PDCD6IP: variants seen among roughly 807,000 people sequenced by gnomAD.
PDCD6IP encodes the protein programmed cell death 6 interacting protein, also known as programmed cell death 6-interacting protein.
In PDCD6IP, 43 loss-of-function variants were observed where a neutral mutation model predicts 103.7. That is an observed-to-expected ratio of 0.41 (90% confidence interval 0.32 to 0.53). The LOEUF is 0.53. Among genes scored for constraint, PDCD6IP ranks in the 20% least tolerant of loss-of-function variants. PDCD6IP has a pLI of 0.16. For missense variants in PDCD6IP, 871 were observed against 1,036.7 expected (o/e 0.84, Z 2.20); for synonymous variants, 354 against 378.7 (o/e 0.93, Z 0.76).
intron 1 of PDCD6IP, among the ~76,000 whole-genome samples, chr3:33,801,448 T>C (rs1243840783): frequency 6.6e-6 from 1 of 152,238 alleles, no homozygotes; most frequent in African/African-American, 2.4e-5. Flanking sequence ...GTAGGTGTTC[T>C]ATTAAAATTT....
intron 15 of PDCD6IP, among the ~76,000 whole-genome samples, chr3:33,858,139 A>G (rs1351967956): frequency 6.6e-6 from 1 of 152,218 alleles, no homozygotes; most frequent in Admixed American, 6.5e-5. Context: ...ATGTAAATAA[A>G]CCTATAGAGG....
At chr3:33,818,097 G>GTTTTTTTTTTTTTTT (rs756780125) in intron 3 of PDCD6IP, among the ~76,000 whole-genome samples, 2 of 68,088 alleles carry the variant, frequency 2.9e-5, no homozygotes, top group Non-Finnish European at 5.0e-5. Flanking sequence ...TTTCATTCTT[G>GTTTTTTTTTTTTTTT]TTTTTTTTTT....
intron 12 of PDCD6IP, among the ~76,000 whole-genome samples, chr3:33,847,719 A>G (rs1288706846): frequency 1.3e-5 from 2 of 152,192 alleles, no homozygotes; most frequent in Non-Finnish European, 2.9e-5. Flanking sequence ...ACATTGAGAT[A>G]CTCTGACAAA....
chr3:33,861,942 T>TG (rs1191772116), intron 15 of PDCD6IP, among the ~76,000 whole-genome samples: 11 of 152,210 alleles, frequency 7.2e-5, no homozygotes, highest in Non-Finnish European at 1.5e-4. Context: ...GTCAGGTTGT[T>TG]GGGCATAGTA....
In PDCD6IP at chr3:33,865,225, G is replaced by C. The variant is rs746349768; in HGVS notation, c.2245-18G>C. ...AAATATGAAACATTTTATAGTCAATGCTGACTTTTTCTTATAGCCTACTAA... is the reference window on the plus strand; with the variant it reads ...AAATATGAAACATTTTATAGTCAATCCTGACTTTTTCTTATAGCCTACTAA... On this transcript the variant is annotated intron_variant, in intron 16 of 17. Coordinates refer to ENST00000307296, the MANE Select transcript of PDCD6IP (RefSeq NM_013374.6). The C allele has an allele frequency of 6.7e-7, 1 of 1,502,314 alleles. No homozygotes were observed. The allele number at this position is 1,502,314 out of a possible 1,614,324, so 93.1% of individuals were successfully genotyped here.
At chr3:33,866,294 G>C in intron 17 of PDCD6IP, 57 bp from the exon 18 acceptor site, 1 of 1,078,616 alleles carries the variant, frequency 9.3e-7, no homozygotes, top group Non-Finnish European at 1.3e-6. Flanking sequence ...AATGATTATT[G>C]TTTTATTTTT....
intron 15 of PDCD6IP, among the ~76,000 whole-genome samples, chr3:33,863,207 A>C (rs534838193): frequency 6.6e-6 from 1 of 152,340 alleles, no homozygotes; most frequent in South Asian, 2.1e-4. Context: ...ATTTTGATAC[A>C]TGAATACAAT....
chr3:33,824,723 G>A (rs191483188), intron 4 of PDCD6IP, among the ~76,000 whole-genome samples: 379 of 152,286 alleles, frequency 2.5e-3, no homozygotes, highest in Non-Finnish European at 3.6e-3. Flanking sequence ...GAAATCACTG[G>A]CAATGGGTAG....
rs1167190234 is a variant in PDCD6IP at position 33,802,492 on chromosome 3, C to CTT, written c.209+3568_209+3569dup. 1.8e-4 allele frequency among the ~76,000 whole-genome samples: 25 copies of CTT among 142,558 alleles called. No homozygotes were observed. The South Asian group carries it at 3.3e-3, about 19-fold the overall frequency. The allele number at this position is 142,558 out of a possible 152,430, so 93.5% of individuals were successfully genotyped here. ...TATCTCTGACATTTTTTTCTTTTTT[C>CTT]TTTTTTTTTTTTTTGAGGTGGAGTT... On this transcript the variant is annotated intron_variant, in intron 1 of 17. Transcript: ENST00000307296.
At chr3:33,827,275 T>G (rs1006937728) in intron 6 of PDCD6IP, 2 of 847,082 alleles carry the variant, frequency 2.4e-6, no homozygotes, top group African/African-American at 3.7e-5. Flanking sequence ...GTGAAATATA[T>G]GTTTCAACTA....
Position 33,866,667 on chromosome 3 carries a change from A to G in PDCD6IP, c.*142A>G, listed in dbSNP as rs150580224. 388 of 566,788 alleles carry G rather than the reference A, an allele frequency of 6.8e-4. 2 individuals are homozygous for G. Among genetic ancestry groups the G allele is most frequent in the African/African-American group, 6.5e-3 (339 of 51,930 alleles). The allele number at this position is 566,788 out of a possible 1,614,324, so 35.1% of individuals were successfully genotyped here. ...CAGTGTATAATTTCTGTCTACAGCT[A>G]GAAGCTGTGCCCCAGTTCCACATTT... On this transcript the variant is annotated 3_prime_UTR_variant, in exon 18 of 18. Transcript: ENST00000307296.
chr3:33,817,558 A>G (rs1696882093), intron 3 of PDCD6IP, among the ~76,000 whole-genome samples: 1 of 152,112 alleles, frequency 6.6e-6, no homozygotes, highest in Non-Finnish European at 1.5e-5. Context: ...GTACAAGACC[A>G]GCTTGGGGAA....
At chr3:33,812,935 G>A (rs1181514260) in intron 2 of PDCD6IP, among the ~76,000 whole-genome samples, 2 of 152,090 alleles carry the variant, frequency 1.3e-5, no homozygotes, top group South Asian at 2.1e-4. Flanking sequence ...TTTTGTATTA[G>A]ATTGCAATAA....
In PDCD6IP at chr3:33,798,857, G is replaced by T; in HGVS notation, c.129G>T (p.Ala43=). Reference sequence around the variant, plus strand: ...AGCAGGCCCAGTACTGCCGCGCGGCGGAGGAGCTCAGCAAGCTGCGCCGCG... The same window carrying T: ...AGCAGGCCCAGTACTGCCGCGCGGCTGAGGAGCTCAGCAAGCTGCGCCGCG... ...GEEQAQYCRA[A]EELSKLRRAA... Residue 43 remains alanine (A), a synonymous_variant, in exon 1 of 18, where the codon GCG becomes GCT. Transcript: ENST00000307296. The T allele has an allele frequency of 6.4e-7, 1 of 1,553,024 alleles. No homozygotes were observed. Among genetic ancestry groups the T allele is most frequent in the South Asian group, 1.2e-5 (1 of 84,202 alleles).
At position 33,867,200 on chromosome 3, in the gene PDCD6IP, G is replaced by A. The variant is rs954371605; in HGVS notation, c.*675G>A. ...TACTTTATCTTTCGTATGCTGATTA[G>A]TAAACGATTTTTGACATTTATTTTA... On this transcript the variant is annotated 3_prime_UTR_variant, in exon 18 of 18. Coordinates refer to ENST00000307296, the MANE Select transcript of PDCD6IP (RefSeq NM_013374.6). 6.6e-6 allele frequency: 1 copy of A among 152,164 alleles called. No homozygotes were observed. Among genetic ancestry groups the A allele is most frequent in the African/African-American group, 2.4e-5 (1 of 41,444 alleles). 9.4% of individuals were successfully genotyped at this position (152,164 alleles called of 1,614,324 possible). A position where few individuals can be genotyped will look rare whatever the true frequency, so the allele number is the denominator to read the frequency against.
chr3:33,850,385 G>A (rs1451560116), intron 12 of PDCD6IP, among the ~76,000 whole-genome samples: 2 of 151,976 alleles, frequency 1.3e-5, no homozygotes, highest in Non-Finnish European at 2.9e-5. Flanking sequence ...TGTAAAAAAT[G>A]TTCATGATTC....
At chr3:33,819,681 G>A (rs922026603) in intron 3 of PDCD6IP, among the ~76,000 whole-genome samples, 1 of 152,186 alleles carries the variant, frequency 6.6e-6, no homozygotes, top group Non-Finnish European at 1.5e-5. Context: ...CAAATGTAGT[G>A]TTGTTCTGAT....
At position 33,869,319 on chromosome 3, in the gene PDCD6IP, T is replaced by G. The variant is rs1222721754; in HGVS notation, c.*2794T>G. 1 of 152,212 alleles carries G rather than the reference T, an allele frequency of 6.6e-6. No homozygotes were observed. The highest frequency in any genetic ancestry group is 1.5e-5 in the Non-Finnish European group (1 of 68,036). 9.4% of individuals were successfully genotyped at this position (152,212 alleles called of 1,614,324 possible). A position where few individuals can be genotyped will look rare whatever the true frequency, so the allele number is the denominator to read the frequency against. Reference sequence around the variant, plus strand: ...TTGCTACAGCCAAATGGCATCTCACTTTTTAAAGACGTTTGCAATTATTAG... The same window carrying G: ...TTGCTACAGCCAAATGGCATCTCACGTTTTAAAGACGTTTGCAATTATTAG... On this transcript the variant is annotated 3_prime_UTR_variant, in exon 18 of 18. Coordinates refer to ENST00000307296, the MANE Select transcript of PDCD6IP (RefSeq NM_013374.6).
At chr3:33,851,948 C>G (rs1697723714) in intron 12 of PDCD6IP, among the ~76,000 whole-genome samples, 1 of 152,206 alleles carries the variant, frequency 6.6e-6, no homozygotes, top group African/African-American at 2.4e-5. Flanking sequence ...CTCTCTCAGT[C>G]TCTCTAGGCA....
Sources: gnomAD v4.1 joint callset for allele counts (sites outside exome capture counted in the v4.1 genomes callset) on GRCh38, gnomAD v4.1.1 for gene constraint, MANE v1.5 for transcripts, NCBI Gene and HGNC (gene_info 2026-07-23, HGNC 2026-07-21) for gene names.